ADCY2: variants seen among roughly 807,000 people sequenced by gnomAD.
ADCY2 encodes adenylate cyclase 2.
In ADCY2, 31 loss-of-function variants were observed where a neutral mutation model predicts 125.2. That is an observed-to-expected ratio of 0.25 (90% CI 0.19 to 0.33). The LOEUF (loss-of-function observed/expected upper bound fraction) is 0.33. Among genes scored for constraint, ADCY2 ranks in the 10% least tolerant of loss-of-function variants. ADCY2 has a pLI of 1.00. For missense variants in ADCY2, 904 were observed against 1,418.2 expected (o/e 0.64, Z 5.82); for synonymous variants, 512 against 548.4 (o/e 0.93, Z 0.93).
At chr5:7,757,318 G>A in intron 15 of ADCY2, 131 bp from the exon 16 acceptor site, 1 of 1,175,962 alleles carries the variant, frequency 8.5e-7, no homozygotes, top group South Asian at 1.6e-5. Context: ...GTCCCCAGGG[G>A]AGGATAGAAT....
chr5:7,772,024 C>T lies in ADCY2; in HGVS notation c.2215-908C>T, dbSNP rs148351148. 5.3e-5 allele frequency among the ~76,000 whole-genome samples: 8 copies of T among 152,302 alleles called. No individual in the cohort carries two copies. The East Asian group carries it at 1.5e-3, about 29-fold the overall frequency. The stretch of plus-strand genomic sequence containing the variant: ...CCTGTTTCCCTGCAGCAAGTCCCTC[C>T]TGGCGTGCAGGACTCTGGGCTCTGT... On this transcript the variant is annotated intron_variant, in intron 17 of 24. Coordinates refer to ENST00000338316, the MANE Select transcript of ADCY2 (RefSeq NM_020546.3).
At chr5:7,660,622 G>T (rs572371020) in intron 4 of ADCY2, among the ~76,000 whole-genome samples, 5 of 152,276 alleles carry the variant, frequency 3.3e-5, no homozygotes, top group African/African-American at 1.2e-4. Flanking sequence ...TGGAGACATA[G>T]GTAGAATTTC....
At position 7,784,454 on chromosome 5, in the gene ADCY2, G is replaced by C; in HGVS notation, c.2469+5G>C. On this transcript the variant is annotated splice_donor_5th_base_variant and intron_variant, in intron 19 of 24. Coordinates refer to ENST00000338316, the MANE Select transcript of ADCY2 (RefSeq NM_020546.3). The stretch of plus-strand genomic sequence containing the variant: ...CTGCTTGTTCTGGGTAGACAGGTAA[G>C]AAGTCTGTTTATATATATGTATGTA... 6.2e-7 allele frequency: 1 copy of C among 1,608,784 alleles called. No individual in the cohort carries two copies.
At chr5:7,825,328 T>A (rs1301827095) in intron 24 of ADCY2, among the ~76,000 whole-genome samples, 1 of 151,824 alleles carries the variant, frequency 6.6e-6, no homozygotes, top group East Asian at 1.9e-4. Flanking sequence ...CTGTGTGCCA[T>A]AACACTGCTG....
chr5:7,612,280 A>G (rs776875353), intron 3 of ADCY2, among the ~76,000 whole-genome samples: 6 of 152,228 alleles, frequency 3.9e-5, no homozygotes, highest in Non-Finnish European at 7.3e-5. Flanking sequence ...AAGAAAGACA[A>G]GTCTTTTTGC....
intron 2 of ADCY2, among the ~76,000 whole-genome samples, chr5:7,417,814 A>G (rs181843856): frequency 1.6e-4 from 24 of 152,332 alleles, no homozygotes; most frequent in Admixed American, 1.2e-3. Flanking sequence ...CTGCTGGAAC[A>G]TAAACTTCTG....
intron 4 of ADCY2, chr5:7,654,315 C>A (rs1159080215): frequency 2.8e-6 from 1 of 362,988 alleles, no homozygotes; most frequent in Non-Finnish European, 5.4e-6. Context: ...AGCCTCACTG[C>A]AGCACAGGGA....
At chr5:7,793,400 G>A (rs1286465837) in intron 20 of ADCY2, among the ~76,000 whole-genome samples, 4 of 152,324 alleles carry the variant, frequency 2.6e-5, no homozygotes, top group Admixed American at 1.3e-4. Flanking sequence ...GCAGCGAGCC[G>A]AGATCGTGCC....
chr5:7,459,472 C>T (rs1579464466), intron 2 of ADCY2, among the ~76,000 whole-genome samples: 2 of 152,274 alleles, frequency 1.3e-5, no homozygotes, highest in South Asian at 2.1e-4. Context: ...GCTCACGTTT[C>T]GAAGACAGTT....
chr5:7,789,492 C>A, intron 19 of ADCY2, 150 bp from the exon 20 acceptor site: 1 of 684,630 alleles, frequency 1.5e-6, no homozygotes, highest in Non-Finnish European at 2.4e-6. Flanking sequence ...ATTTCAGGGA[C>A]ACAGAGGGCT....
intron 13 of ADCY2, among the ~76,000 whole-genome samples, chr5:7,726,883 G>GTGCC (rs1265666599): frequency 2.0e-5 from 3 of 152,150 alleles, no homozygotes; most frequent in Admixed American, 1.3e-4. Flanking sequence ...TTCTGGTCAG[G>GTGCC]TGCCTCTCTC....
At chr5:7,714,539 G>A (rs915909844) in intron 11 of ADCY2, among the ~76,000 whole-genome samples, 2 of 152,260 alleles carry the variant, frequency 1.3e-5, no homozygotes, top group African/African-American at 4.8e-5. Flanking sequence ...TGGAAGGGAA[G>A]AAGCTGAGGC....
chr5:7,826,703 T>C lies in ADCY2; in HGVS notation c.3124-16T>C. 1 of 1,613,914 alleles carries C rather than the reference T, an allele frequency of 6.2e-7. No individual in the cohort carries two copies. Among genetic ancestry groups the C allele is most frequent in the South Asian group, 1.1e-5 (1 of 90,984 alleles). ...TATGTACTAAGCCCGTTTTCCCGTG[T>C]TCCTGTGCCTTCTAGGTTACCGAGG... On this transcript the variant is annotated splice_polypyrimidine_tract_variant and intron_variant, in intron 24 of 24. Transcript: ENST00000338316.
At chr5:7,519,276 G>A (rs1744360006) in intron 2 of ADCY2, among the ~76,000 whole-genome samples, 1 of 152,124 alleles carries the variant, frequency 6.6e-6, no homozygotes, top group African/African-American at 2.4e-5. Context: ...AATCCGTCAG[G>A]AGCCTAGCTT....
At chr5:7,455,581 T>TA (rs1284840926) in intron 2 of ADCY2, among the ~76,000 whole-genome samples, 22 of 149,610 alleles carry the variant, frequency 1.5e-4, no homozygotes, top group African/African-American at 5.4e-4. Context: ...TATAATAACA[T>TA]AAAAATGTAC....
chr5:7,470,772 T>C (rs1442370871), intron 2 of ADCY2, among the ~76,000 whole-genome samples: 1 of 151,490 alleles, frequency 6.6e-6, no homozygotes, highest in Non-Finnish European at 1.5e-5. Context: ...AATTGTTCTG[T>C]AAAGGAATTA....
intron 16 of ADCY2, among the ~76,000 whole-genome samples, chr5:7,763,133 GC>G (rs1423320661): frequency 6.6e-6 from 1 of 150,688 alleles, no homozygotes; most frequent in Non-Finnish European, 1.5e-5. Flanking sequence ...TCGTTCTGTC[GC>G]CCAGGCTGGA....
In ADCY2 at chr5:7,399,126, A is replaced by G. The variant is rs147405002; in HGVS notation, c.210+2620A>G. ...ACTTGAATAGCTGGGCTGTCATGCA[A>G]TTCAGGAGCTAAGCAGATCTATTTT... On this transcript the variant is annotated intron_variant, in intron 1 of 24. Transcript: ENST00000338316. Among the ~76,000 whole-genome samples the G allele has an allele frequency of 1.3e-3, 205 of 152,304 alleles. 1 individual carries two copies. The East Asian group carries it at 0.028, about 21-fold the overall frequency.
At chr5:7,441,341 A>G (rs1424934446) in intron 2 of ADCY2, among the ~76,000 whole-genome samples, 2 of 152,202 alleles carry the variant, frequency 1.3e-5, no homozygotes, top group Non-Finnish European at 2.9e-5. Context: ...AACAAGTATC[A>G]ATTAATGCCT....
Sources: gnomAD v4.1 joint callset for allele counts (sites outside exome capture counted in the v4.1 genomes callset) on GRCh38, gnomAD v4.1.1 for gene constraint, MANE v1.5 for transcripts, NCBI Gene and HGNC (gene_info 2026-07-23, HGNC 2026-07-21) for gene names.